The following GRIK1 variants were observed in gnomAD, a reference collection of about 807,000 sequenced individuals.
GRIK1 encodes glutamate ionotropic receptor kainate type subunit 1.
GRIK1 carries 69 observed loss-of-function variants against 105.7 expected under a neutral mutation model. The observed-to-expected ratio is 0.65, with a 90% CI of 0.54 to 0.80. GRIK1 has a LOEUF of 0.80. Among genes scored for constraint, GRIK1 ranks in the 30% least tolerant of loss-of-function variants. GRIK1 has a pLI of 0.00. For missense variants in GRIK1, 1,109 were observed against 1,167.3 expected (o/e 0.95, Z 0.73); for synonymous variants, 438 against 431.3 (o/e 1.02, Z -0.19).
chr21:29,771,853 C>T (rs1276628164), intron 1 of GRIK1, among the ~76,000 whole-genome samples: 1 of 152,254 alleles, frequency 6.6e-6, no homozygotes, highest in East Asian at 1.9e-4. Context: ...GCTCCTCCCA[C>T]TCCTATCACT....
intron 1 of GRIK1, among the ~76,000 whole-genome samples, chr21:29,717,222 C>G (rs2146840281): frequency 6.6e-6 from 1 of 152,346 alleles, no homozygotes. Flanking sequence ...TGGAGAATCT[C>G]TGCTAGGGCA....
In GRIK1 at chr21:29,577,153, C is replaced by T. The variant is rs750338268; in HGVS notation, c.1941G>A (p.Ser647=). ...QGSELMPKAL[S]TRIVGGIWWF... ...ACCATATCCCTCCAACTATTCTGGT[C>T]GATAGAGCTTTGGGCATCAGCTCTG... Residue 647 remains serine, a synonymous_variant, in exon 14 of 18, where the codon TCG becomes TCA. Transcript: ENST00000327783. 3.7e-6 allele frequency: 6 copies of T among 1,609,282 alleles called. No individual in the cohort carries two copies. The South Asian group carries it at 5.5e-5, about 15-fold the overall frequency.
intron 1 of GRIK1, among the ~76,000 whole-genome samples, chr21:29,694,338 G>A (rs760120261): frequency 6.6e-6 from 1 of 151,918 alleles, no homozygotes. Flanking sequence ...TGGCCAGGCT[G>A]GTCTCGAACT....
Position 29,869,510 on chromosome 21 carries a change from A to G in GRIK1, c.118+69873T>C, listed in dbSNP as rs560587845. ...GTGGTGGTGGGAAGAACTGAGATACAGTGTGTGGATAAGTTCTTACTACCG... is the reference window on the plus strand; with the variant it reads ...GTGGTGGTGGGAAGAACTGAGATACGGTGTGTGGATAAGTTCTTACTACCG... On this transcript the variant is annotated intron_variant, in intron 1 of 17. Coordinates refer to ENST00000327783, the MANE Select transcript of GRIK1 (RefSeq NM_001330994.2). Among the ~76,000 whole-genome samples, 3 of 152,366 alleles carry G rather than the reference A, an allele frequency of 2.0e-5. No homozygotes were observed. In the East Asian group the frequency reaches 5.8e-4, roughly 29 times the overall value.
intron 1 of GRIK1, among the ~76,000 whole-genome samples, chr21:29,844,570 T>C (rs149991200): frequency 2.4e-4 from 36 of 152,364 alleles, no homozygotes; most frequent in African/African-American, 7.9e-4. Context: ...AAATCCCTTC[T>C]GATTTAAGGA....
chr21:29,801,945 C>T (rs1023319113), intron 1 of GRIK1, among the ~76,000 whole-genome samples: 1 of 151,894 alleles, frequency 6.6e-6, no homozygotes, highest in Non-Finnish European at 1.5e-5. Context: ...ACAAAGCAAA[C>T]AGCAAAAAAG....
At chr21:29,593,682 A>G (rs1330648547) in intron 9 of GRIK1, among the ~76,000 whole-genome samples, 1 of 152,122 alleles carries the variant, frequency 6.6e-6, no homozygotes, top group East Asian at 1.9e-4. Flanking sequence ...GGAGAAAATA[A>G]CTGTTTTTAG....
intron 3 of GRIK1, among the ~76,000 whole-genome samples, chr21:29,679,526 G>A (rs2063333351): frequency 6.6e-6 from 1 of 152,112 alleles, no homozygotes; most frequent in African/African-American, 2.4e-5. Context: ...GGTATTAACT[G>A]CCTGTTCTTA....
intron 1 of GRIK1, among the ~76,000 whole-genome samples, chr21:29,784,127 C>A (rs2066197798): frequency 1.3e-5 from 2 of 152,080 alleles, no homozygotes; most frequent in South Asian, 2.1e-4. Context: ...CGTATCTTAC[C>A]TTTTGTGAAG....
chr21:29,754,438 G>A (rs1003399049), intron 1 of GRIK1, among the ~76,000 whole-genome samples: 2 of 152,132 alleles, frequency 1.3e-5, no homozygotes, highest in Non-Finnish European at 2.9e-5. Flanking sequence ...AAATAATCAC[G>A]TGTTCAAATC....
At chr21:29,749,136 T>A (rs1292739082) in intron 1 of GRIK1, 1 of 152,214 alleles carries the variant, frequency 6.6e-6, no homozygotes, top group Non-Finnish European at 1.5e-5. Context: ...TTCCTAAACA[T>A]ATTTTTAAGG....
intron 1 of GRIK1, among the ~76,000 whole-genome samples, chr21:29,809,967 T>C (rs562729344): frequency 2.6e-4 from 40 of 152,204 alleles, no homozygotes; most frequent in African/African-American, 9.4e-4. Flanking sequence ...CTGTCTCATA[T>C]TGGTGCCTCA....
At chr21:29,923,071 T>C (rs1046613519) in intron 1 of GRIK1, among the ~76,000 whole-genome samples, 1 of 152,202 alleles carries the variant, frequency 6.6e-6, no homozygotes, top group African/African-American at 2.4e-5. Flanking sequence ...TATGCAAAAA[T>C]GAGTCTTTCC....
Position 29,704,962 on chromosome 21 carries a change from G to T in GRIK1, c.119-10899C>A, listed in dbSNP as rs145105134. On this transcript the variant is annotated intron_variant, in intron 1 of 17. Coordinates refer to ENST00000327783, the MANE Select transcript of GRIK1 (RefSeq NM_001330994.2). ...TTAATGTCTCTTGACAGCAGTTATA[G>T]TTTTAGCTTTTAACATCTCATTTAA... Among the ~76,000 whole-genome samples, 199 of 152,270 alleles carry T rather than the reference G, an allele frequency of 1.3e-3. 1 individual carries two copies. The highest frequency in any genetic ancestry group is 4.6e-3 in the African/African-American group (190 of 41,558).
intron 1 of GRIK1, among the ~76,000 whole-genome samples, chr21:29,930,486 C>G (rs748570234): frequency 6.6e-6 from 1 of 152,034 alleles, no homozygotes; most frequent in East Asian, 1.9e-4. Context: ...TTTTTTCCCC[C>G]TCTGGGAATT....
intron 1 of GRIK1, among the ~76,000 whole-genome samples, chr21:29,848,779 A>ATATATACATTT: frequency 1.3e-5 from 1 of 77,866 alleles, no homozygotes; most frequent in East Asian, 3.8e-4. Flanking sequence ...ATATATATAT[A>ATATATACATTT]TTTTTTTTTT....
chr21:29,676,095 G>T (rs896996527), intron 3 of GRIK1, among the ~76,000 whole-genome samples: 2 of 152,080 alleles, frequency 1.3e-5, no homozygotes, highest in African/African-American at 4.8e-5. Flanking sequence ...TTTCATAAAA[G>T]AAGGTATATT....
At chr21:29,909,805 G>A (rs930252188) in intron 1 of GRIK1, among the ~76,000 whole-genome samples, 1 of 152,118 alleles carries the variant, frequency 6.6e-6, no homozygotes. Context: ...GAGCCTGGGC[G>A]TCTGGGAATC....
At chr21:29,902,526 G>A (rs1367762796) in intron 1 of GRIK1, among the ~76,000 whole-genome samples, 3 of 152,172 alleles carry the variant, frequency 2.0e-5, no homozygotes, top group Admixed American at 1.3e-4. Context: ...CAAATCATGA[G>A]TGAACTCTCA....
Sources: gnomAD v4.1 joint callset for allele counts (sites outside exome capture counted in the v4.1 genomes callset) on GRCh38, gnomAD v4.1.1 for gene constraint, MANE v1.5 for transcripts, NCBI Gene and HGNC (gene_info 2026-07-23, HGNC 2026-07-21) for gene names.